The following SYBU variants were observed in gnomAD, a reference collection of about 807,000 sequenced individuals.
The protein encoded by SYBU is syntabulin, also known as GOLSYN A protein.
In SYBU, 21 loss-of-function variants were observed where a neutral mutation model predicts 35.9. The observed-to-expected ratio is 0.58, with a 90% CI of 0.41 to 0.84. The LOEUF (loss-of-function observed/expected upper bound fraction) is 0.84. Ranked by LOEUF, SYBU falls within the 40% of genes least tolerant of loss-of-function variation. SYBU has a pLI of 0.00. For synonymous variants in SYBU, 319 were observed against 324.3 expected (o/e 0.98, Z 0.18); for missense variants, 768 against 848.2 (o/e 0.91, Z 1.17).
At chr8:109,576,146 A>G in intron 6 of SYBU, 133 bp from the exon 7 acceptor site, 1 of 1,152,290 alleles carries the variant, frequency 8.7e-7, no homozygotes, top group Non-Finnish European at 1.2e-6. Context: ...CTTGAAATAC[A>G]GATGTGAAAT....
rs1586746063 is a variant in SYBU at position 109,586,341 on chromosome 8, C to CATCTTG, written c.428-180_428-179insCAAGAT. ...AAAGCAGTCAAGAGAAGGCCCAGTA[C>CATCTTG]AAGAACATCATTTCATAAACACAGC... On this transcript the variant is annotated intron_variant, in intron 3 of 6. Coordinates refer to ENST00000276646, the MANE Select transcript of SYBU (RefSeq NM_001099754.2). The CATCTTG allele has an allele frequency of 6.9e-6, 4 of 581,870 alleles. No individual in the cohort carries two copies. In the East Asian group the frequency reaches 1.1e-4, roughly 17 times the overall value. The allele number at this position is 581,870 out of a possible 1,614,324, so 36.0% of individuals were successfully genotyped here. A position where few individuals can be genotyped will look rare whatever the true frequency, so the allele number is the denominator to read the frequency against.
intron 1 of SYBU, chr8:109,644,151 G>A: frequency 2.2e-6 from 1 of 459,432 alleles, no homozygotes; most frequent in South Asian, 1.5e-5. Flanking sequence ...GGGCCCTCAG[G>A]CATCCACTCT....
intron 3 of SYBU, among the ~76,000 whole-genome samples, chr8:109,609,292 G>T (rs2130201155): frequency 6.6e-6 from 1 of 152,280 alleles, no homozygotes; most frequent in South Asian, 2.1e-4. Flanking sequence ...TGCTAATTTT[G>T]CTTCCCTTTG....
intron 1 of SYBU, among the ~76,000 whole-genome samples, chr8:109,658,984 CA>C (rs562240649): frequency 6.6e-6 from 1 of 151,420 alleles, no homozygotes; most frequent in East Asian, 1.9e-4. Flanking sequence ...GCAACAACAA[CA>C]AAAAAAACCT....
At chr8:109,607,312 G>C (rs1374153559) in intron 3 of SYBU, among the ~76,000 whole-genome samples, 2 of 152,178 alleles carry the variant, frequency 1.3e-5, no homozygotes, top group African/African-American at 4.8e-5. Context: ...TCTACTGGAT[G>C]CCATGTGAGA....
intron 3 of SYBU, among the ~76,000 whole-genome samples, chr8:109,596,235 A>T (rs2129947110): frequency 6.6e-6 from 1 of 152,354 alleles, no homozygotes; most frequent in Admixed American, 6.5e-5. Context: ...CTCTCAATGT[A>T]TTTTTTAAAA....
intron 1 of SYBU, among the ~76,000 whole-genome samples, chr8:109,663,689 T>G (rs551114594): frequency 6.6e-6 from 1 of 152,274 alleles, no homozygotes; most frequent in Non-Finnish European, 1.5e-5. Flanking sequence ...ATGTTCTCTT[T>G]TTTTTCATTT....
chr8:109,628,820 C>CAA (rs11300595), intron 2 of SYBU, among the ~76,000 whole-genome samples: 8,123 of 146,230 alleles, frequency 0.056, 730 homozygotes, highest in African/African-American at 0.19. Flanking sequence ...ACATCCGTCT[C>CAA]AAAAAAAAAA....
At position 109,642,991 on chromosome 8, in the gene SYBU, C is replaced by A; in HGVS notation, c.25-59G>T. On this transcript the variant is annotated intron_variant, in intron 1 of 6. Coordinates refer to ENST00000276646, the MANE Select transcript of SYBU (RefSeq NM_001099754.2). ...GAAACGCGTTTCCCTCTCTTAACTC[C>A]TGTCGGTTCCTTCAAGGATCAATTT... 6 of 1,458,012 alleles carry A rather than the reference C, an allele frequency of 4.1e-6. No homozygotes were observed. In the South Asian group the frequency reaches 9.2e-5, roughly 22 times the overall value. The allele number at this position is 1,458,012 out of a possible 1,614,324, so 90.3% of individuals were successfully genotyped here. A position where few individuals can be genotyped will look rare whatever the true frequency, so the allele number is the denominator to read the frequency against.
chr8:109,636,123 T>A (rs546972872), intron 2 of SYBU, among the ~76,000 whole-genome samples: 17 of 152,314 alleles, frequency 1.1e-4, no homozygotes, highest in African/African-American at 3.1e-4. Flanking sequence ...GCATAGGAAG[T>A]CTTGCATAAC....
chr8:109,577,426 T>C (rs942657207), intron 6 of SYBU, among the ~76,000 whole-genome samples: 1 of 150,850 alleles, frequency 6.6e-6, no homozygotes, highest in Non-Finnish European at 1.5e-5. Flanking sequence ...GGCACAGAAA[T>C]AGCATGCAGG....
intron 3 of SYBU, among the ~76,000 whole-genome samples, chr8:109,591,178 A>G (rs1451492435): frequency 2.6e-5 from 4 of 152,180 alleles, no homozygotes; most frequent in South Asian, 2.1e-4. Flanking sequence ...TCGAAGTGAA[A>G]AGATATCAAA....
intron 1 of SYBU, among the ~76,000 whole-genome samples, chr8:109,651,551 A>C (rs532101471): frequency 2.0e-5 from 3 of 151,612 alleles, no homozygotes; most frequent in Admixed American, 2.0e-4. Flanking sequence ...CATTAGCTAA[A>C]AAGGAAAGAA....
intron 1 of SYBU, among the ~76,000 whole-genome samples, chr8:109,686,509 A>T (rs970563333): frequency 6.6e-6 from 1 of 152,190 alleles, no homozygotes; most frequent in Non-Finnish European, 1.5e-5. Flanking sequence ...CATACCATTT[A>T]AAGTTAATTT....
At chr8:109,648,592 G>T (rs1371199771), upstream of SYBU, 1 of 152,058 alleles carries the variant, frequency 6.6e-6, no homozygotes, top group Non-Finnish European at 1.5e-5. Context: ...ACTTCACAGA[G>T]AAGACAATAC....
rs984707939 is a variant in SYBU at position 109,586,044 on chromosome 8, A to G, written c.530+16T>C. On this transcript the variant is annotated intron_variant, in intron 4 of 6. Transcript: ENST00000276646. Reference sequence around the variant, plus strand: ...GTGTAAAGCGTCTTAATTACAGAGCAGGAGATGGTGCCTACTTGCGTGAAG... The same window carrying G: ...GTGTAAAGCGTCTTAATTACAGAGCGGGAGATGGTGCCTACTTGCGTGAAG... 17 of 1,588,934 alleles carry G rather than the reference A, an allele frequency of 1.1e-5. No homozygotes were observed. Among genetic ancestry groups the G allele is most frequent in the Non-Finnish European group, 1.4e-5 (16 of 1,163,058 alleles).
intron 3 of SYBU, among the ~76,000 whole-genome samples, chr8:109,612,729 C>CTGGG (rs59644082): frequency 0.3 from 46,100 of 151,844 alleles, 7,821 homozygotes; most frequent in African/African-American, 0.45. Context: ...CCTGTAATCC[C>CTGGG]AGTACTCTGG....
chr8:109,672,068 A>G lies in SYBU; in HGVS notation c.-129+8643T>C, dbSNP rs530513558. Among the ~76,000 whole-genome samples the G allele has an allele frequency of 2.6e-5, 4 of 151,990 alleles. No individual in the cohort carries two copies. The South Asian group carries it at 6.3e-4, about 24-fold the overall frequency. Reference sequence around the variant, plus strand: ...ATGCATGTGCCACCATGCCCAGCTAATTTTGTATTTTTAGTAGAGATGGAG... The same window carrying G: ...ATGCATGTGCCACCATGCCCAGCTAGTTTTGTATTTTTAGTAGAGATGGAG... On this transcript the variant is annotated intron_variant, in intron 1 of 5. Coordinates refer to the SYBU transcript ENST00000408889.
At chr8:109,669,736 C>T (rs1431892877) in intron 1 of SYBU, among the ~76,000 whole-genome samples, 2 of 152,134 alleles carry the variant, frequency 1.3e-5, no homozygotes, top group Non-Finnish European at 2.9e-5. Flanking sequence ...TTTTATAATT[C>T]CCATACAATG....
Sources: allele counts gnomAD v4.1 joint callset (sites outside exome capture counted in the v4.1 genomes callset), GRCh38; gene constraint gnomAD v4.1.1; transcripts MANE v1.5; gene names NCBI Gene and HGNC (gene_info 2026-07-23, HGNC 2026-07-21).